Variants in ACTR3C observed in about 807,000 individuals in gnomAD.
The protein encoded by ACTR3C is actin-related protein 3C.
ACTR3C carries 18 observed loss-of-function variants against 26.3 expected under a neutral mutation model. The observed-to-expected ratio is 0.68, with a 90% CI of 0.47 to 1.01. The LOEUF (loss-of-function observed/expected upper bound fraction) is 1.01, where lower values mean the gene tolerates loss of function less well. Among genes scored for constraint, ACTR3C ranks in the 50% least tolerant of loss-of-function variants. The pLI, the probability that ACTR3C is intolerant of heterozygous loss-of-function variation, is 0.00. For missense variants in ACTR3C, 184 were observed against 250.7 expected (o/e 0.73, Z 1.80); for synonymous variants, 55 against 94.5 (o/e 0.58, Z 2.42).
the ACTR3C span, among the ~76,000 whole-genome samples, chr7:150,224,559 A>G: frequency 0.23 from 34,975 of 152,138 alleles, 6,487 homozygotes; most frequent in African/African-American, 0.51. Flanking sequence ...GTTCCATAAA[A>G]AGAGAACTGG....
At chr7:149,897,939 C>G in the ACTR3C span, among the ~76,000 whole-genome samples, 9 of 151,992 alleles carry the variant, frequency 5.9e-5, no homozygotes, top group African/African-American at 1.7e-4. Context: ...CTTGAGGTAA[C>G]AGGATAAAAA....
the ACTR3C span, among the ~76,000 whole-genome samples, chr7:149,894,413 T>G: frequency 6.6e-6 from 1 of 152,180 alleles, no homozygotes; most frequent in African/African-American, 2.4e-5. Flanking sequence ...ACTAAAAGTC[T>G]TCTGCACAGC....
At chr7:150,239,540 C>CTATATATA (rs869280836), downstream of ACTR3C, among the ~76,000 whole-genome samples, 54 of 90,184 alleles carry the variant, frequency 6.0e-4, no homozygotes, top group Admixed American at 2.9e-3. Flanking sequence ...CTCTCTCTCT[C>CTATATATA]TATATATATA....
chr7:150,282,398 T>G (rs1835421257), intron 6 of ACTR3C, among the ~76,000 whole-genome samples: 1 of 151,880 alleles, frequency 6.6e-6, no homozygotes, highest in African/African-American at 2.4e-5. Flanking sequence ...TACTCTAACT[T>G]AGGTGGCAAA....
intron 4 of ACTR3C, among the ~76,000 whole-genome samples, chr7:150,289,080 T>G (rs4015675): frequency 5.9e-5 from 9 of 151,834 alleles, no homozygotes; most frequent in Non-Finnish European, 1.0e-4. Context: ...GGATCCTAGG[T>G]TGGCAGTGTT....
At chr7:149,917,715 C>T in the ACTR3C span, among the ~76,000 whole-genome samples, 11 of 140,782 alleles carry the variant, frequency 7.8e-5, no homozygotes, top group Non-Finnish European at 1.4e-4. Context: ...TAGCTCATTG[C>T]AGCATTGACC....
chr7:150,156,542 G>A, the ACTR3C span, among the ~76,000 whole-genome samples: 4 of 150,082 alleles, frequency 2.7e-5, no homozygotes, highest in Non-Finnish European at 4.4e-5. Flanking sequence ...TGCTTATTGA[G>A]AGAGAGAGAG....
chr7:150,009,766 T>C, the ACTR3C span, among the ~76,000 whole-genome samples: 1 of 152,234 alleles, frequency 6.6e-6, no homozygotes, highest in Non-Finnish European at 1.5e-5. Flanking sequence ...AAAGGCTCTC[T>C]AGCTGAGTGT....
the ACTR3C span, among the ~76,000 whole-genome samples, chr7:150,121,085 C>T: frequency 2.4e-4 from 37 of 152,236 alleles, no homozygotes; most frequent in Non-Finnish European, 3.8e-4. Context: ...GGACGTATCT[C>T]AAAATAATAA....
the ACTR3C span, among the ~76,000 whole-genome samples, chr7:150,140,162 A>C: frequency 1.5e-4 from 23 of 152,376 alleles, no homozygotes; most frequent in African/African-American, 5.3e-4. Context: ...CTATGAAAAA[A>C]TAAAGTTCGG....
the ACTR3C span, among the ~76,000 whole-genome samples, chr7:150,217,961 A>G: frequency 6.6e-6 from 1 of 152,224 alleles, no homozygotes; most frequent in Non-Finnish European, 1.5e-5. Context: ...GTAAATTGCT[A>G]CACCAGTAAT....
chr7:149,998,585 A>C, the ACTR3C span, among the ~76,000 whole-genome samples: 1 of 149,672 alleles, frequency 6.7e-6, no homozygotes, highest in Non-Finnish European at 1.5e-5. Context: ...GCCCCTTATA[A>C]AACCATCAGA....
the ACTR3C span, among the ~76,000 whole-genome samples, chr7:149,933,529 A>G: frequency 2.6e-5 from 4 of 152,380 alleles, no homozygotes; most frequent in South Asian, 2.1e-4. Context: ...AGATAATTAA[A>G]GGATGATTTT....
At chr7:150,164,099 T>C in the ACTR3C span, among the ~76,000 whole-genome samples, 1 of 151,790 alleles carries the variant, frequency 6.6e-6, no homozygotes, top group Non-Finnish European at 1.5e-5. Context: ...ACCAAGCCAG[T>C]GTGGAGAAGG....
chr7:150,032,094 T>C, the ACTR3C span, among the ~76,000 whole-genome samples: 3 of 152,170 alleles, frequency 2.0e-5, no homozygotes, highest in East Asian at 5.8e-4. Context: ...GTGGCAGTGA[T>C]GTCTGTCCTT....
At chr7:150,033,829 C>CACT in the ACTR3C span, among the ~76,000 whole-genome samples, 1 of 151,662 alleles carries the variant, frequency 6.6e-6, no homozygotes, top group African/African-American at 2.4e-5. Context: ...TCAGTCCCTG[C>CACT]CTCGTGGGGG....
At chr7:150,070,015 A>G in the ACTR3C span, among the ~76,000 whole-genome samples, 2 of 152,154 alleles carry the variant, frequency 1.3e-5, no homozygotes, top group African/African-American at 4.8e-5. Flanking sequence ...AGGAACATGG[A>G]CGCCTTCCCA....
chr7:150,122,698 G>T, the ACTR3C span, among the ~76,000 whole-genome samples: 1 of 152,136 alleles, frequency 6.6e-6, no homozygotes, highest in South Asian at 2.1e-4. Flanking sequence ...TAAGGATCTA[G>T]AACTAGAAAT....
chr7:150,153,244 C>G, the ACTR3C span, among the ~76,000 whole-genome samples: 1 of 152,124 alleles, frequency 6.6e-6, no homozygotes, highest in South Asian at 2.1e-4. Flanking sequence ...AACTAAACAG[C>G]TTCTGCACAG....
Sources: allele counts gnomAD v4.1 joint callset (sites outside exome capture counted in the v4.1 genomes callset), GRCh38; gene constraint gnomAD v4.1.1; transcripts MANE v1.5; gene names NCBI Gene and HGNC (gene_info 2026-07-23, HGNC 2026-07-21).